The following RYR2 variants were observed in gnomAD, a reference collection of about 807,000 sequenced individuals.
RYR2 encodes cardiac muscle ryanodine receptor-calcium release channel.
RYR2 carries 227 observed loss-of-function variants against 601.1 expected under a neutral mutation model. That is an observed-to-expected ratio of 0.38 (90% CI 0.34 to 0.42). The LOEUF (loss-of-function observed/expected upper bound fraction) is 0.42. Among genes scored for constraint, RYR2 ranks in the 10% least tolerant of loss-of-function variants. The pLI is 1.00. For synonymous variants in RYR2, 2,223 were observed against 2,175.1 expected (o/e 1.02, Z -0.61); for missense variants, 4,646 against 6,156.5 (o/e 0.75, Z 8.21).
intron 84 of RYR2, among the ~76,000 whole-genome samples, chr1:237,766,019 G>T (rs1480780698): frequency 3.3e-5 from 5 of 152,096 alleles, no homozygotes; most frequent in African/African-American, 1.2e-4. Context: ...GAATCAAGGG[G>T]GTGGATAAGG....
chr1:237,612,000 A>G (rs1166509511), intron 36 of RYR2, among the ~76,000 whole-genome samples: 2 of 152,208 alleles, frequency 1.3e-5, no homozygotes, highest in African/African-American at 4.8e-5. Flanking sequence ...TATGAACAAT[A>G]GTAAAAGAAA....
chr1:237,275,069 G>T (rs143720121), intron 2 of RYR2, among the ~76,000 whole-genome samples: 1 of 151,292 alleles, frequency 6.6e-6, no homozygotes, highest in Non-Finnish European at 1.5e-5. Context: ...TCATCCATGG[G>T]TGATGCACAC....
At chr1:237,609,627 A>G (rs572754909) in intron 35 of RYR2, among the ~76,000 whole-genome samples, 173 of 151,990 alleles carry the variant, frequency 1.1e-3, no homozygotes, top group Middle Eastern at 3.4e-3. Flanking sequence ...GGCCTCCCAA[A>G]GTGCTGGGAT....
rs1663401508 is a variant in RYR2 at position 237,492,002 on chromosome 1, A to C, written c.1827+78A>C. On this transcript the variant is annotated intron_variant, in intron 18 of 104. Coordinates refer to ENST00000366574, the MANE Select transcript of RYR2 (RefSeq NM_001035.3). ...ATTTTTAAATACAATAACTTTTAAA[A>C]AGTGTGTCAAATTTTTCATGAGTGT... The C allele has an allele frequency of 9.8e-6, 7 of 715,268 alleles. No individual in the cohort carries two copies. The South Asian group carries it at 1.2e-4, about 12-fold the overall frequency. The allele number at this position is 715,268 out of a possible 1,614,324, so 44.3% of individuals were successfully genotyped here. A position where few individuals can be genotyped will look rare whatever the true frequency, so the allele number is the denominator to read the frequency against.
In RYR2 at chr1:237,374,802, A is replaced by G. The variant is rs755850445; in HGVS notation, c.463+7A>G. 63 of 1,609,328 alleles carry G rather than the reference A, an allele frequency of 3.9e-5. No homozygotes were observed. In the Admixed American group the frequency reaches 1.0e-3, roughly 27 times the overall value. ...TTGCAAGAGGACACCACAGGTAAGCATCTTGTGCTGCGGGAAGCCAGGTTC... is the reference window on the plus strand; with the variant it reads ...TTGCAAGAGGACACCACAGGTAAGCGTCTTGTGCTGCGGGAAGCCAGGTTC... On this transcript the variant is annotated splice_region_variant and intron_variant, in intron 7 of 104. Coordinates refer to ENST00000366574, the MANE Select transcript of RYR2 (RefSeq NM_001035.3).
intron 2 of RYR2, among the ~76,000 whole-genome samples, chr1:237,289,030 G>A (rs1015682632): frequency 6.6e-6 from 1 of 152,126 alleles, no homozygotes; most frequent in Non-Finnish European, 1.5e-5. Context: ...AATTGACTCA[G>A]CTCCAGGTAA....
chr1:237,357,016 A>C (rs1249953592), intron 4 of RYR2, among the ~76,000 whole-genome samples: 2 of 151,958 alleles, frequency 1.3e-5, no homozygotes, highest in African/African-American at 4.8e-5. Context: ...GTGCCCTTTC[A>C]GTAGTGTTTT....
chr1:237,449,843 T>C (rs1024175799), intron 14 of RYR2, among the ~76,000 whole-genome samples: 3 of 152,312 alleles, frequency 2.0e-5, no homozygotes, highest in Non-Finnish European at 4.4e-5. Context: ...TATTTTTGTT[T>C]AGTTACCAGA....
At chr1:237,651,886 A>C (rs936979241) in intron 51 of RYR2, among the ~76,000 whole-genome samples, 1 of 152,086 alleles carries the variant, frequency 6.6e-6, no homozygotes, top group African/African-American at 2.4e-5. Context: ...AAATACAAAA[A>C]ATTAGCCGGA....
chr1:237,451,922 G>A (rs1224209111), intron 14 of RYR2, among the ~76,000 whole-genome samples: 1 of 150,950 alleles, frequency 6.6e-6, no homozygotes, highest in Non-Finnish European at 1.5e-5. Context: ...TTTATGTTCT[G>A]TGATCCTTCT....
chr1:237,300,793 C>T (rs1558581421), intron 2 of RYR2, among the ~76,000 whole-genome samples: 2 of 151,978 alleles, frequency 1.3e-5, no homozygotes, highest in Non-Finnish European at 2.9e-5. Context: ...TAAATACGTC[C>T]GAGTTTGCTA....
chr1:237,770,912 A>T (rs773327235), intron 85 of RYR2, 25 bp downstream of exon 85: 1 of 1,415,614 alleles, frequency 7.1e-7, no homozygotes, highest in Non-Finnish European at 9.7e-7. Context: ...GGAACTTCTG[A>T]TGATACTAAG....
chr1:237,702,676 G>GTACA (rs987734129), intron 66 of RYR2, among the ~76,000 whole-genome samples: 6 of 152,018 alleles, frequency 3.9e-5, no homozygotes, highest in African/African-American at 1.4e-4. Flanking sequence ...TACAATTTCA[G>GTACA]TACAGCAAAT....
chr1:237,411,116 A>G (rs1232304764), intron 10 of RYR2, among the ~76,000 whole-genome samples: 1 of 152,150 alleles, frequency 6.6e-6, no homozygotes, highest in Non-Finnish European at 1.5e-5. Context: ...GGAAGGAGAG[A>G]GTAGAATGGT....
chr1:237,628,298 C>T (rs1354562927), intron 41 of RYR2, among the ~76,000 whole-genome samples: 1 of 151,646 alleles, frequency 6.6e-6, no homozygotes, highest in East Asian at 1.9e-4. Flanking sequence ...TATACATGTG[C>T]CATGCTGGTG....
At chr1:237,320,403 C>A (rs528261079) in intron 2 of RYR2, among the ~76,000 whole-genome samples, 2 of 152,106 alleles carry the variant, frequency 1.3e-5, no homozygotes, top group African/African-American at 2.4e-5. Context: ...CCTATAAACT[C>A]CTTCAGAGCC....
chr1:237,457,188 G>A (rs1226557671), intron 16 of RYR2, among the ~76,000 whole-genome samples: 1 of 152,146 alleles, frequency 6.6e-6, no homozygotes, highest in Non-Finnish European at 1.5e-5. Flanking sequence ...TGCTTTTGGA[G>A]TTAGTTCCGC....
intron 81 of RYR2, among the ~76,000 whole-genome samples, chr1:237,757,343 C>G (rs1693041792): frequency 6.6e-6 from 1 of 151,992 alleles, no homozygotes; most frequent in Admixed American, 6.6e-5. Context: ...TTTAAAGAAA[C>G]TTTTAAGTAG....
intron 12 of RYR2, among the ~76,000 whole-genome samples, chr1:237,436,594 T>C (rs965233790): frequency 1.3e-5 from 2 of 151,320 alleles, no homozygotes; most frequent in Non-Finnish European, 2.9e-5. Context: ...TATTCTGGGC[T>C]GCAGTGCGGC....
Sources: gnomAD v4.1 joint callset for allele counts (sites outside exome capture counted in the v4.1 genomes callset) on GRCh38, gnomAD v4.1.1 for gene constraint, MANE v1.5 for transcripts, NCBI Gene and HGNC (gene_info 2026-07-23, HGNC 2026-07-21) for gene names.